USP3: variants seen among roughly 807,000 people sequenced by gnomAD.
The protein encoded by USP3 is ubiquitin carboxyl-terminal hydrolase 3.
In USP3, 20 loss-of-function variants were observed where a neutral mutation model predicts 72.3. The observed-to-expected ratio is 0.28, with a 90% CI of 0.19 to 0.40. The LOEUF (loss-of-function observed/expected upper bound fraction) is 0.40. Among genes scored for constraint, USP3 ranks in the 10% least tolerant of loss-of-function variants. USP3 has a pLI of 1.00. For missense variants in USP3, 479 were observed against 633.9 expected (o/e 0.76, Z 2.62); for synonymous variants, 222 against 225.3 (o/e 0.99, Z 0.13).
At chr15:63,517,791 A>C (rs6494409) in intron 1 of USP3, among the ~76,000 whole-genome samples, 1 of 151,994 alleles carries the variant, frequency 6.6e-6, no homozygotes, top group African/African-American at 2.4e-5. Context: ...CTGTGTCCCT[A>C]TACCTAGAGC....
Position 63,591,860 on chromosome 15 carries a change from T to TTGATTGA in USP3, c.*1038_*1039insTGATGAT, listed in dbSNP as rs111497513. On this transcript the variant is annotated 3_prime_UTR_variant, in exon 15 of 15. Coordinates refer to ENST00000380324, the MANE Select transcript of USP3 (RefSeq NM_006537.4). ...AACACCTCTCTCTGGCCTATCCTGA[T>TTGATTGA]TGATAGGACAAGTTGAAAATACTGT... 1 of 152,088 alleles carries TTGATTGA rather than the reference T, an allele frequency of 6.6e-6. No homozygotes were observed. Among genetic ancestry groups the TTGATTGA allele is most frequent in the Non-Finnish European group, 1.5e-5 (1 of 68,008 alleles). The allele number at this position is 152,088 out of a possible 1,614,324, so 9.4% of individuals were successfully genotyped here.
intron 1 of USP3, among the ~76,000 whole-genome samples, chr15:63,521,096 C>CT: frequency 6.7e-6 from 1 of 148,182 alleles, no homozygotes; most frequent in East Asian, 2.0e-4. Context: ...TGGGTATTTT[C>CT]TTTTTTTCCC....
At chr15:63,589,418 A>AG (rs1470820052) in intron 14 of USP3, among the ~76,000 whole-genome samples, 2 of 152,208 alleles carry the variant, frequency 1.3e-5, no homozygotes, top group African/African-American at 2.4e-5. Flanking sequence ...AGTTTGTATG[A>AG]GGGGTCTAAC....
Position 63,530,520 on chromosome 15 carries a change from C to A in USP3, c.92-2127C>A, listed in dbSNP as rs1402890737. On this transcript the variant is annotated intron_variant, in intron 1 of 14. Coordinates refer to ENST00000380324, the MANE Select transcript of USP3 (RefSeq NM_006537.4). ...TAGAGATGGAGTTTCACCATTTTAC[C>A]AAAGCTGGTCTCGAACTCCTGGACT... is the stretch of plus-strand genomic sequence containing the variant. 4 of 357,588 alleles carry A rather than the reference C, an allele frequency of 1.1e-5. No individual in the cohort carries two copies. The East Asian group carries it at 3.1e-4, about 28-fold the overall frequency. The allele number at this position is 357,588 out of a possible 1,614,324, so 22.2% of individuals were successfully genotyped here. A position where few individuals can be genotyped will look rare whatever the true frequency, so the allele number is the denominator to read the frequency against.
intron 1 of USP3, among the ~76,000 whole-genome samples, chr15:63,522,252 A>G (rs1248039132): frequency 6.6e-6 from 1 of 152,244 alleles, no homozygotes. Flanking sequence ...GTCCTCCTGC[A>G]TTGCTAGATA....
intron 8 of USP3, among the ~76,000 whole-genome samples, chr15:63,566,920 G>A (rs1414202896): frequency 1.3e-5 from 2 of 152,060 alleles, no homozygotes; most frequent in Admixed American, 1.3e-4. Context: ...TTTTTTTAAT[G>A]TCAAGGATAT....
At chr15:63,512,283 C>T (rs2065794203) in intron 1 of USP3, among the ~76,000 whole-genome samples, 1 of 149,486 alleles carries the variant, frequency 6.7e-6, no homozygotes, top group Non-Finnish European at 1.5e-5. Flanking sequence ...TCTTCTTCCT[C>T]TTCTTCCTCT....
Position 63,594,145 on chromosome 15 carries a change from C to T in USP3, c.*3319C>T, listed in dbSNP as rs1259996259. Reference sequence around the variant, plus strand: ...ATATTTATTTCTTAAAGCCAAACCTCTCCTTCATTGGTTTAGTGTACATAA... The same window carrying T: ...ATATTTATTTCTTAAAGCCAAACCTTTCCTTCATTGGTTTAGTGTACATAA... On this transcript the variant is annotated 3_prime_UTR_variant, in exon 15 of 15. Coordinates refer to ENST00000380324, the MANE Select transcript of USP3 (RefSeq NM_006537.4). 1 of 152,310 alleles carries T rather than the reference C, an allele frequency of 6.6e-6. No individual in the cohort carries two copies. The highest frequency in any genetic ancestry group is 1.5e-5 in the Non-Finnish European group (1 of 68,124). The allele number at this position is 152,310 out of a possible 1,614,324, so 9.4% of individuals were successfully genotyped here.
chr15:63,532,578 A>C (rs1456885323), intron 1 of USP3, 69 bp from the exon 2 acceptor site: 1 of 1,577,454 alleles, frequency 6.3e-7, no homozygotes, highest in Non-Finnish European at 8.7e-7. Flanking sequence ...ACTTAATCAC[A>C]GGAAAATGGG....
chr15:63,566,108 A>C (rs2066686239), intron 8 of USP3, among the ~76,000 whole-genome samples: 1 of 151,954 alleles, frequency 6.6e-6, no homozygotes, highest in South Asian at 2.1e-4. Context: ...TTTCTGTACA[A>C]CCTGATTTAA....
rs530843692 is a variant in USP3, at chr15:63,507,482, A to AG, written c.91+2652_91+2653insG. 7.0e-4 allele frequency among the ~76,000 whole-genome samples: 106 copies of AG among 152,354 alleles called. 1 individual carries two copies. Among genetic ancestry groups the AG allele is most frequent in the Admixed American group, 2.8e-3 (43 of 15,304 alleles). On this transcript the variant is annotated intron_variant, in intron 1 of 14. Coordinates refer to ENST00000380324, the MANE Select transcript of USP3 (RefSeq NM_006537.4). Reference sequence around the variant, plus strand: ...TTTGTGAAAACTTTGAGAAACTTGTATACACTGTTCTAGTAATAGGTGGTA... The same window carrying AG: ...TTTGTGAAAACTTTGAGAAACTTGTAGTACACTGTTCTAGTAATAGGTGGTA...
chr15:63,556,817 A>G (rs1404460217), intron 5 of USP3, 69 bp downstream of exon 5: 6 of 1,089,862 alleles, frequency 5.5e-6, no homozygotes, highest in Non-Finnish European at 8.0e-6. Flanking sequence ...TTACAACTCT[A>G]ACATGTAATG....
At chr15:63,560,259 T>C (rs1225738752) in intron 7 of USP3, among the ~76,000 whole-genome samples, 4 of 151,840 alleles carry the variant, frequency 2.6e-5, no homozygotes, top group Middle Eastern at 6.8e-3. Flanking sequence ...CTACTAAATA[T>C]ACAAAAATTA....
rs192862575 is a variant in USP3 at position 63,577,715 on chromosome 15, G to A, written c.1096+3312G>A. On this transcript the variant is annotated intron_variant, in intron 11 of 14. Transcript: ENST00000380324. ...TGCAGTGAGCTGAAATCGTGCAACC[G>A]CACTCCAGCCTGGTGACAGAGCGAG... Among the ~76,000 whole-genome samples, 804 of 152,236 alleles carry A rather than the reference G, an allele frequency of 5.3e-3. 4 individuals carry two copies. The highest frequency in any genetic ancestry group is 0.018 in the African/African-American group (728 of 41,546).
chr15:63,531,623 G>A (rs2066077409), intron 1 of USP3, among the ~76,000 whole-genome samples: 1 of 152,120 alleles, frequency 6.6e-6, no homozygotes, highest in African/African-American at 2.4e-5. Context: ...GTTGTGATAC[G>A]GGATTGGGCA....
At chr15:63,569,799 A>G (rs1295097996) in intron 8 of USP3, among the ~76,000 whole-genome samples, 1 of 152,192 alleles carries the variant, frequency 6.6e-6, no homozygotes, top group East Asian at 1.9e-4. Context: ...TAACCTAAGA[A>G]TATGTTGTTA....
rs540325973 is a variant in USP3 at position 63,539,716 on chromosome 15, T to C, written c.284+2560T>C. Among the ~76,000 whole-genome samples, 3 of 152,338 alleles carry C rather than the reference T, an allele frequency of 2.0e-5. No individual in the cohort carries two copies. In the East Asian group the frequency reaches 5.8e-4, roughly 29 times the overall value. ...ATTGCCAGGCTTTTGTGTGAAGTTG[T>C]ACAGAGCTGCAAGTGTGTGGACACC... On this transcript the variant is annotated intron_variant, in intron 3 of 14. Transcript: ENST00000380324.
chr15:63,547,821 AGAGAGAGAGAGAGAGGGAGGGAGG>A (rs2066366576), intron 3 of USP3, among the ~76,000 whole-genome samples: 1 of 110,432 alleles, frequency 9.1e-6, no homozygotes. Flanking sequence ...AGGCATAGAG[AGAGAGAGAGAGAGAGGGAGGGAGG>A]GAGAGAGAGA....
At chr15:63,511,869 T>C (rs950568628) in intron 1 of USP3, among the ~76,000 whole-genome samples, 2 of 152,196 alleles carry the variant, frequency 1.3e-5, no homozygotes, top group Non-Finnish European at 2.9e-5. Flanking sequence ...TGATTCCATT[T>C]AGTTATTCTA....
Sources: gnomAD v4.1 joint callset for allele counts (sites outside exome capture counted in the v4.1 genomes callset) on GRCh38, gnomAD v4.1.1 for gene constraint, MANE v1.5 for transcripts, NCBI Gene and HGNC (gene_info 2026-07-23, HGNC 2026-07-21) for gene names.